MICAL3: variants seen among roughly 807,000 people sequenced by gnomAD.
MICAL3 encodes the protein [F-actin]-monooxygenase MICAL3.
In MICAL3, 62 loss-of-function variants were observed where a neutral mutation model predicts 207.4. That is an observed-to-expected ratio of 0.30 (90% CI 0.24 to 0.37). The LOEUF is 0.37. Ranked by LOEUF, MICAL3 falls within the 10% of genes least tolerant of loss-of-function variation. MICAL3 has a pLI of 1.00. For missense variants in MICAL3, 2,368 were observed against 2,635.6 expected, an observed-to-expected ratio of 0.90 and a Z score of 2.22; for synonymous variants, 1,077 against 1,069.3, an observed-to-expected ratio of 1.01 and a Z score of -0.14.
intron 1 of MICAL3, among the ~76,000 whole-genome samples, chr22:18,014,965 C>T (rs1410135137): frequency 2.0e-5 from 3 of 149,172 alleles, no homozygotes; most frequent in Non-Finnish European, 3.0e-5. Context: ...CCAGCCTGGG[C>T]GACAGAGTGA....
Position 17,875,782 on chromosome 22 carries a change from G to A in MICAL3, c.2242-3759C>T, listed in dbSNP as rs560369127. Among the ~76,000 whole-genome samples the A allele has an allele frequency of 9.2e-5, 14 of 151,866 alleles. No individual in the cohort carries two copies. The East Asian group carries it at 1.4e-3, about 15-fold the overall frequency. ...GTCCTTCCCTCATGCTTGCAGCAGA[G>A]CACACCCTGGAACGCGGTCCCGCAG... is the stretch of plus-strand genomic sequence containing the variant. On this transcript the variant is annotated intron_variant, in intron 16 of 31. Coordinates refer to ENST00000441493, the MANE Select transcript of MICAL3 (RefSeq NM_015241.3).
chr22:17,952,760 G>A (rs1379917349), intron 1 of MICAL3, among the ~76,000 whole-genome samples: 2 of 152,180 alleles, frequency 1.3e-5, no homozygotes, highest in African/African-American at 4.8e-5. Flanking sequence ...GCCTGATGAG[G>A]AAAAGGCTGG....
At position 17,790,646 on chromosome 22, in the gene MICAL3, C is replaced by A; in HGVS notation, c.*86G>T. 1 of 1,255,172 alleles carries A rather than the reference C, an allele frequency of 8.0e-7. No homozygotes were observed. The highest frequency in any genetic ancestry group is 1.1e-6 in the Non-Finnish European group (1 of 909,708). The allele number at this position is 1,255,172 out of a possible 1,614,324, so 77.8% of individuals were successfully genotyped here. On this transcript the variant is annotated 3_prime_UTR_variant, in exon 32 of 32. Transcript: ENST00000441493. ...GCGTAAACTCCAAGGAGGTGCCAGG[C>A]CTCCTCAGATCGCGGCTCCGGGTGG...
intron 1 of MICAL3, among the ~76,000 whole-genome samples, chr22:17,935,435 G>A (rs1442280765): frequency 6.6e-6 from 1 of 152,072 alleles, no homozygotes; most frequent in African/African-American, 2.4e-5. Flanking sequence ...AATTCAAGAT[G>A]GATTACAGAC....
intron 1 of MICAL3, chr22:18,019,806 ATTTTTTT>A (rs34107345): frequency 2.6e-4 from 20 of 77,864 alleles, no homozygotes; most frequent in East Asian, 8.2e-4. Flanking sequence ...AATGCTGCTG[ATTTTTTT>A]TTTTTTTTTT....
intron 1 of MICAL3, chr22:18,005,539 G>C (rs1923331738): frequency 6.6e-6 from 1 of 152,242 alleles, no homozygotes; most frequent in Non-Finnish European, 1.5e-5. Flanking sequence ...GGTTTAGGGA[G>C]TGTGGTACAA....
chr22:17,823,175 G>C (rs1921828623), intron 22 of MICAL3, 115 bp from the exon 23 acceptor site: 3 of 708,902 alleles, frequency 4.2e-6, no homozygotes, highest in Non-Finnish European at 7.3e-6. Context: ...CAGGCCCCAG[G>C]AGAGGGGAGA....
intron 20 of MICAL3, among the ~76,000 whole-genome samples, chr22:17,832,354 C>G (rs2146044190): frequency 6.6e-6 from 1 of 152,318 alleles, no homozygotes; most frequent in Admixed American, 6.5e-5. Context: ...TCACGCACTT[C>G]TCCTCAGGTG....
intron 12 of MICAL3, 24 bp from the exon 13 acceptor site, chr22:17,889,254 A>C (rs3747032): frequency 1.0e-5 from 16 of 1,569,002 alleles, no homozygotes; most frequent in Non-Finnish European, 1.4e-5. Context: ...CAAGGAAAAC[A>C]TATCAAGATA....
chr22:17,957,457 G>A (rs953045054), intron 1 of MICAL3, among the ~76,000 whole-genome samples: 10 of 152,188 alleles, frequency 6.6e-5, no homozygotes, highest in African/African-American at 1.9e-4. Flanking sequence ...GATGGCTCAC[G>A]CCTATAATCC....
intron 1 of MICAL3, among the ~76,000 whole-genome samples, chr22:17,974,723 T>TAAAA (rs5844339): frequency 2.8e-5 from 3 of 106,128 alleles, no homozygotes; most frequent in Admixed American, 1.1e-4. Flanking sequence ...GACTCCGTCT[T>TAAAA]AAAAAAAAAA....
Position 17,852,753 on chromosome 22 carries a change from C to T in MICAL3, c.2606-10736G>A, listed in dbSNP as rs539823452. Among the ~76,000 whole-genome samples, 197 of 152,276 alleles carry T rather than the reference C, an allele frequency of 1.3e-3. 1 individual carries two copies. In the South Asian group the frequency reaches 0.038, roughly 29 times the overall value. ...GCTACCTGGCTCCTACTCACATTTC[C>T]GACTTTCAGGTTAGGAGTTGAAAAT... On this transcript the variant is annotated intron_variant, in intron 19 of 31. Transcript: ENST00000441493.
chr22:17,792,574 C>T (rs1296751327), intron 29 of MICAL3, among the ~76,000 whole-genome samples: 1 of 152,222 alleles, frequency 6.6e-6, no homozygotes, highest in East Asian at 1.9e-4. Flanking sequence ...TCTCCACCTG[C>T]CTTTCTGGCA....
At chr22:17,954,236 A>C (rs555909734) in intron 1 of MICAL3, among the ~76,000 whole-genome samples, 8 of 152,308 alleles carry the variant, frequency 5.3e-5, no homozygotes, top group Admixed American at 2.6e-4. Flanking sequence ...ACAGTAAGGA[A>C]GCACCACTAT....
chr22:17,907,936 C>T lies in MICAL3; in HGVS notation c.-74-1050G>A, dbSNP rs141475331. 4.1e-3 allele frequency among the ~76,000 whole-genome samples: 620 copies of T among 152,318 alleles called. 6 individuals are homozygous for T. Among genetic ancestry groups the T allele is most frequent in the Non-Finnish European group, 5.0e-3 (337 of 68,032 alleles). The stretch of plus-strand genomic sequence containing the variant: ...CAGTAAATGACGATATCTATGCCTT[C>T]CACCTATGGAAATGTCCGCACACCT... On this transcript the variant is annotated intron_variant, in intron 1 of 31. Transcript: ENST00000441493.
At chr22:17,799,507 AG>A (rs1339803724) in intron 29 of MICAL3, among the ~76,000 whole-genome samples, 1 of 152,218 alleles carries the variant, frequency 6.6e-6, no homozygotes, top group East Asian at 1.9e-4. Flanking sequence ...GGGAAGTGTG[AG>A]GGAAGACTGA....
rs1053360779 is a variant in MICAL3 at position 17,790,660 on chromosome 22, G to A, written c.*72C>T. 1.0e-5 allele frequency: 14 copies of A among 1,399,124 alleles called. No individual in the cohort carries two copies. The African/African-American group carries it at 1.2e-4, about 12-fold the overall frequency. The allele number at this position is 1,399,124 out of a possible 1,614,324, so 86.7% of individuals were successfully genotyped here. On this transcript the variant is annotated 3_prime_UTR_variant, in exon 32 of 32. Transcript: ENST00000441493. ...GAGGTGCCAGGCCTCCTCAGATCGC[G>A]GCTCCGGGTGGTTTGGATGCCACTG...
chr22:17,953,930 CAAAAAAAAAAA>C (rs59740388), intron 1 of MICAL3, among the ~76,000 whole-genome samples: 14 of 86,516 alleles, frequency 1.6e-4, no homozygotes, highest in African/African-American at 3.3e-4. Context: ...GACTCCATCT[CAAAAAAAAAAA>C]AAAAAAAAAA....
Position 17,891,636 on chromosome 22 carries a change from A to C in MICAL3, c.1547-4T>G, listed in dbSNP as rs765583873. 13 of 1,613,494 alleles carry C rather than the reference A, an allele frequency of 8.1e-6. No homozygotes were observed. The East Asian group carries it at 1.3e-4, about 17-fold the overall frequency. ...TTGCTTGAACGAGCTACAGACTCTA[A>C]AACAACAAAACACAGTATTATTGGA... On this transcript the variant is annotated splice_polypyrimidine_tract_variant and splice_region_variant and intron_variant, in intron 11 of 31. Transcript: ENST00000441493.
Sources: allele counts gnomAD v4.1 joint callset (sites outside exome capture counted in the v4.1 genomes callset), GRCh38; gene constraint gnomAD v4.1.1; transcripts MANE v1.5; gene names NCBI Gene and HGNC (gene_info 2026-07-23, HGNC 2026-07-21).